The following CATSPER3 variants were observed in gnomAD, a reference collection of about 807,000 sequenced individuals.
CATSPER3 encodes the protein cation channel sperm associated 3, also known as cation channel sperm-associated protein 3.
CATSPER3 carries 23 observed loss-of-function variants against 36.6 expected under a neutral mutation model. The observed-to-expected ratio is 0.63, with a 90% confidence interval of 0.45 to 0.89. The LOEUF is 0.89. Ranked by LOEUF, CATSPER3 falls within the 40% of genes least tolerant of loss-of-function variation. The probability of loss-of-function intolerance (pLI) is 0.00; values close to 1 mark genes in which losing one functional copy is unlikely to be tolerated. For missense variants in CATSPER3, 474 were observed against 503.9 expected (o/e 0.94, Z 0.57); for synonymous variants, 172 against 184.1 (o/e 0.93, Z 0.53).
In CATSPER3 at chr5:134,979,822, A is replaced by G. The variant is rs115097873; in HGVS notation, c.252+9730A>G. On this transcript the variant is annotated intron_variant, in intron 2 of 7. Coordinates refer to ENST00000282611, the MANE Select transcript of CATSPER3 (RefSeq NM_178019.3). ...ATCTTTAGGCTCAGTAAAAACTGGAAGTTAGGGGTAATGTAGAGTTGTAAA... is the reference window on the plus strand; with the variant it reads ...ATCTTTAGGCTCAGTAAAAACTGGAGGTTAGGGGTAATGTAGAGTTGTAAA... 7.4e-3 allele frequency among the ~76,000 whole-genome samples: 1,132 copies of G among 152,310 alleles called. 11 individuals carry two copies. Among genetic ancestry groups the G allele is most frequent in the African/African-American group, 0.026 (1,087 of 41,560 alleles).
chr5:134,986,437 CCT>C (rs977848822), intron 2 of CATSPER3, among the ~76,000 whole-genome samples: 4 of 148,294 alleles, frequency 2.7e-5, no homozygotes, highest in Non-Finnish European at 5.9e-5. Context: ...AGTCACTGTG[CCT>C]GGCCTTAAAC....
intron 2 of CATSPER3, among the ~76,000 whole-genome samples, chr5:134,977,493 C>T (rs1263958876): frequency 6.7e-6 from 1 of 149,524 alleles, no homozygotes; most frequent in African/African-American, 2.6e-5. Flanking sequence ...TCCACATTTC[C>T]ATCTGAGACC....
intron 2 of CATSPER3, among the ~76,000 whole-genome samples, chr5:134,992,971 G>A (rs890698040): frequency 2.6e-5 from 4 of 152,120 alleles, no homozygotes; most frequent in Admixed American, 6.5e-5. Context: ...GTTCATAGCC[G>A]CATTATTCAC....
chr5:135,011,495 TTA>T (rs753706234), intron 7 of CATSPER3, 24 bp from the exon 8 acceptor site: 1 of 1,579,518 alleles, frequency 6.3e-7, no homozygotes, highest in East Asian at 2.2e-5. Flanking sequence ...ACCTCAGATC[TTA>T]TCTCCTCCTG....
intron 2 of CATSPER3, 55 bp from the exon 3 acceptor site, chr5:134,996,218 A>T (rs1024070995): frequency 3.1e-6 from 5 of 1,613,144 alleles, no homozygotes; most frequent in African/African-American, 2.7e-5. Flanking sequence ...AGCAGGCCAG[A>T]GCTCTAGGGC....
At chr5:135,005,284 C>G (rs1752072363) in intron 3 of CATSPER3, among the ~76,000 whole-genome samples, 1 of 152,174 alleles carries the variant, frequency 6.6e-6, no homozygotes, top group Non-Finnish European at 1.5e-5. Context: ...GCCTTTGGCC[C>G]TTGCAGGCAT....
At chr5:134,969,860 C>G in intron 1 of CATSPER3, 79 bp from the exon 2 acceptor site, 1 of 1,419,386 alleles carries the variant, frequency 7.0e-7, no homozygotes, top group Non-Finnish European at 1.0e-6. Flanking sequence ...AGAGCCTTGT[C>G]CCTACAAAAA....
intron 2 of CATSPER3, among the ~76,000 whole-genome samples, chr5:134,989,434 T>C (rs1011703528): frequency 2.6e-5 from 4 of 152,242 alleles, no homozygotes; most frequent in African/African-American, 9.6e-5. Flanking sequence ...AAATCTGTGG[T>C]TGAGTGTAGC....
intron 7 of CATSPER3, 150 bp downstream of exon 7, chr5:135,010,680 C>T (rs1752170364): frequency 1.3e-6 from 1 of 756,884 alleles, no homozygotes; most frequent in African/African-American, 1.7e-5. Flanking sequence ...TACAGGATTC[C>T]ATATATACAC....
chr5:135,002,055 C>G, intron 3 of CATSPER3, among the ~76,000 whole-genome samples: 1 of 152,158 alleles, frequency 6.6e-6, no homozygotes. Context: ...TTCTTCCTAG[C>G]CTTGATGGTC....
chr5:134,997,970 C>T (rs986701337), intron 3 of CATSPER3, among the ~76,000 whole-genome samples: 4 of 152,140 alleles, frequency 2.6e-5, no homozygotes, highest in Non-Finnish European at 4.4e-5. Flanking sequence ...ACGTGCACAA[C>T]GTGCAGGTTT....
Position 134,968,021 on chromosome 5 carries a change from G to A in CATSPER3, c.30G>A (p.Ser10=), listed in dbSNP as rs777167902. Residue 10 remains serine, a synonymous_variant, in exon 1 of 8, where the codon TCG becomes TCA. Coordinates refer to ENST00000282611, the MANE Select transcript of CATSPER3 (RefSeq NM_178019.3). The stretch of plus-strand genomic sequence containing the variant: ...CTCAACACCGTCACCAGCGCCACTC[G>A]AGAGTCATTTCTAGTTCACCAGTTG... MSQHRHQRH[S]RVISSSPVDT... 7 of 1,613,964 alleles carry A rather than the reference G, an allele frequency of 4.3e-6. No homozygotes were observed. Among genetic ancestry groups the A allele is most frequent in the Admixed American group, 1.7e-5 (1 of 60,000 alleles).
chr5:134,990,718 T>C (rs959553676), intron 2 of CATSPER3, among the ~76,000 whole-genome samples: 1 of 152,228 alleles, frequency 6.6e-6, no homozygotes, highest in Non-Finnish European at 1.5e-5. Flanking sequence ...TTGCTTGATG[T>C]AGGGTTGCCA....
chr5:134,986,007 T>C (rs749615903), intron 2 of CATSPER3, among the ~76,000 whole-genome samples: 7 of 151,882 alleles, frequency 4.6e-5, no homozygotes, highest in Non-Finnish European at 1.0e-4. Flanking sequence ...CATATATATA[T>C]ACATATATAA....
intron 2 of CATSPER3, among the ~76,000 whole-genome samples, chr5:134,972,347 G>A (rs1484620825): frequency 6.6e-6 from 1 of 152,060 alleles, no homozygotes; most frequent in Non-Finnish European, 1.5e-5. Context: ...GATAATGAAA[G>A]CCCACCACAA....
intron 3 of CATSPER3, among the ~76,000 whole-genome samples, chr5:135,005,337 A>G (rs989643761): frequency 9.9e-5 from 15 of 152,186 alleles, no homozygotes; most frequent in African/African-American, 3.6e-4. Flanking sequence ...GCACACACGC[A>G]TGCACCACAG....
At chr5:134,991,072 G>T (rs558511393) in intron 2 of CATSPER3, among the ~76,000 whole-genome samples, 4 of 152,088 alleles carry the variant, frequency 2.6e-5, no homozygotes, top group South Asian at 2.1e-4. Flanking sequence ...AAAATACCTA[G>T]GAAAAAATTT....
intron 2 of CATSPER3, among the ~76,000 whole-genome samples, chr5:134,981,355 T>TG (rs1159292092): frequency 1.3e-5 from 2 of 151,966 alleles, no homozygotes; most frequent in African/African-American, 4.8e-5. Context: ...TAGCCAGGCA[T>TG]GGTGCCTGTA....
chr5:134,987,091 A>G (rs925887931), intron 2 of CATSPER3, among the ~76,000 whole-genome samples: 1 of 152,224 alleles, frequency 6.6e-6, no homozygotes, highest in Non-Finnish European at 1.5e-5. Context: ...TTCTTTAAAA[A>G]GATCAACAAA....
Sources: gnomAD v4.1 joint callset for allele counts (sites outside exome capture counted in the v4.1 genomes callset) on GRCh38, gnomAD v4.1.1 for gene constraint, MANE v1.5 for transcripts, NCBI Gene and HGNC (gene_info 2026-07-23, HGNC 2026-07-21) for gene names.